Variants in CNTN3 observed in about 807,000 individuals in gnomAD.
CNTN3 encodes contactin-3.
In CNTN3, 60 loss-of-function variants were observed where a neutral mutation model predicts 119.1. That is an observed-to-expected ratio of 0.50 (90% CI 0.41 to 0.62). CNTN3 has a LOEUF of 0.62. Ranked by LOEUF, CNTN3 falls within the 20% of genes least tolerant of loss-of-function variation. The probability of loss-of-function intolerance (pLI) is 0.00; values close to 1 mark genes in which losing one functional copy is unlikely to be tolerated. For synonymous variants in CNTN3, 450 were observed against 438.7 expected (o/e 1.03, Z -0.32); for missense variants, 1,101 against 1,242.4 (o/e 0.89, Z 1.71).
chr3:74,368,360 T>C (rs1704248325), intron 8 of CNTN3, among the ~76,000 whole-genome samples: 1 of 152,078 alleles, frequency 6.6e-6, no homozygotes, highest in Admixed American at 6.6e-5. Flanking sequence ...ATAAATAGAA[T>C]ATAATGCAAT....
chr3:74,562,605 G>T (rs1268535674), intron 1 of CNTN3, among the ~76,000 whole-genome samples: 1 of 152,130 alleles, frequency 6.6e-6, no homozygotes, highest in African/African-American at 2.4e-5. Flanking sequence ...GTTCATGGTA[G>T]GCCTGTGAAG....
At chr3:74,591,196 TGTGA>T (rs962620913) in intron 1 of CNTN3, among the ~76,000 whole-genome samples, 4 of 152,034 alleles carry the variant, frequency 2.6e-5, no homozygotes, top group African/African-American at 9.6e-5. Flanking sequence ...TTTGAGGTCA[TGTGA>T]GTAAGTTTGT....
chr3:74,577,984 G>A (rs1379792049), intron 1 of CNTN3, among the ~76,000 whole-genome samples: 1 of 152,008 alleles, frequency 6.6e-6, no homozygotes. Flanking sequence ...TATTTCAAAT[G>A]TTCTGTACTT....
intron 5 of CNTN3, among the ~76,000 whole-genome samples, chr3:74,417,302 T>C (rs1392189757): frequency 1.3e-5 from 2 of 152,228 alleles, no homozygotes; most frequent in Non-Finnish European, 2.9e-5. Context: ...AGTACTTTTC[T>C]CTTGGGGAGT....
intron 20 of CNTN3, among the ~76,000 whole-genome samples, chr3:74,274,589 C>G (rs1440709776): frequency 1.3e-5 from 2 of 152,048 alleles, no homozygotes; most frequent in Non-Finnish European, 2.9e-5. Flanking sequence ...AAAGCCACAT[C>G]CATAGGAAAA....
intron 5 of CNTN3, among the ~76,000 whole-genome samples, chr3:74,388,755 A>G (rs1414363307): frequency 2.6e-5 from 4 of 152,206 alleles, no homozygotes; most frequent in Non-Finnish European, 4.4e-5. Flanking sequence ...TACAACTTCA[A>G]CAAAGAAAGC....
chr3:74,336,987 T>A (rs1443497838), intron 11 of CNTN3, among the ~76,000 whole-genome samples: 1 of 152,092 alleles, frequency 6.6e-6, no homozygotes, highest in Non-Finnish European at 1.5e-5. Flanking sequence ...TATTAATATA[T>A]GTTGTGGTAG....
chr3:74,534,587 A>T (rs1575813701), intron 1 of CNTN3, among the ~76,000 whole-genome samples: 1 of 152,068 alleles, frequency 6.6e-6, no homozygotes, highest in East Asian at 1.9e-4. Context: ...AATGAAGTAG[A>T]ATAGAACAGA....
intron 19 of CNTN3, among the ~76,000 whole-genome samples, chr3:74,290,264 C>T (rs964897502): frequency 3.9e-5 from 6 of 152,140 alleles, no homozygotes; most frequent in African/African-American, 1.4e-4. Context: ...TAAACCTGTA[C>T]AGCATGTTAC....
chr3:74,318,992 A>G (rs1702910078), intron 13 of CNTN3, among the ~76,000 whole-genome samples: 1 of 152,118 alleles, frequency 6.6e-6, no homozygotes, highest in South Asian at 2.1e-4. Context: ...AAAACTACAA[A>G]CCACTGCTCA....
Position 74,301,307 on chromosome 3 carries a change from C to CTGACCCCCTGCT in CNTN3, c.2095+79_2095+90dup, listed in dbSNP as rs1702447761. 2.3e-6 allele frequency: 3 copies of CTGACCCCCTGCT among 1,307,970 alleles called. No homozygotes were observed. The African/African-American group carries it at 4.4e-5, about 19-fold the overall frequency. 81.0% of individuals were successfully genotyped at this position (1,307,970 alleles called of 1,614,324 possible). ...TAACTGCAACAATGGATTATTGAGG[C>CTGACCCCCTGCT]TGACCCCCTGCTGGCCTGGAGTTCA... On this transcript the variant is annotated intron_variant, in intron 16 of 22. Coordinates refer to ENST00000263665, the MANE Select transcript of CNTN3 (RefSeq NM_020872.3).
intron 11 of CNTN3, among the ~76,000 whole-genome samples, chr3:74,359,511 T>C (rs1575750376): frequency 6.6e-6 from 1 of 152,124 alleles, no homozygotes; most frequent in Non-Finnish European, 1.5e-5. Context: ...ACTTCCAGCA[T>C]AGTCAAAATT....
In CNTN3 at chr3:74,521,174, T is replaced by A; in HGVS notation, c.-62A>T. On this transcript the variant is annotated 5_prime_UTR_variant, in exon 2 of 23. In the 5' UTR this introduces an upstream ATG that the reference lacks. Transcript: ENST00000263665. ...TCTCTGATGAATAGAATGCTTTCTC[T>A]TCAGGTAAATCCTTTAATCTGTAAA... The A allele has an allele frequency of 4.4e-6, 4 of 919,336 alleles. No individual in the cohort carries two copies. Among genetic ancestry groups the A allele is most frequent in the Non-Finnish European group, 5.0e-6 (3 of 600,428 alleles). 56.9% of individuals were successfully genotyped at this position (919,336 alleles called of 1,614,324 possible).
At chr3:74,429,032 G>A (rs970681067) in intron 4 of CNTN3, among the ~76,000 whole-genome samples, 14 of 152,226 alleles carry the variant, frequency 9.2e-5, no homozygotes, top group South Asian at 2.1e-4. Context: ...GGTATAATAA[G>A]TACATACTAT....
chr3:74,574,672 CT>C, intron 1 of CNTN3, among the ~76,000 whole-genome samples: 1 of 152,236 alleles, frequency 6.6e-6, no homozygotes, highest in Non-Finnish European at 1.5e-5. Context: ...AATCATTCCA[CT>C]TGCAATAATC....
chr3:74,565,114 T>G (rs530107430), intron 1 of CNTN3, among the ~76,000 whole-genome samples: 1 of 152,268 alleles, frequency 6.6e-6, no homozygotes, highest in South Asian at 2.1e-4. Flanking sequence ...TTTTTGTATT[T>G]GTTTCCTATT....
chr3:74,371,253 T>TTGTCACCAC lies in CNTN3; in HGVS notation c.600_601insGTGGTGACA (p.Ser200_Met201insValValThr). 6.2e-7 allele frequency: 1 copy of TTGTCACCAC among 1,613,516 alleles called. No individual in the cohort carries two copies. The highest frequency in any genetic ancestry group is 1.3e-5 in the African/African-American group (1 of 75,000). ...CCCAGCACTCGGGCATTTGTCACCATACTTGTCACCACACATGTGTAATTT... is the reference window on the plus strand; with the variant it reads ...CCCAGCACTCGGGCATTTGTCACCATTGTCACCACACTTGTCACCACACATGTGTAATTT... On this transcript the variant is annotated inframe_insertion, in exon 6 of 23. Transcript: ENST00000263665.
At position 74,296,945 on chromosome 3, in the gene CNTN3, A is replaced by G. The variant is rs530165262; in HGVS notation, c.2401+1012T>C. 1.2e-4 allele frequency among the ~76,000 whole-genome samples: 18 copies of G among 151,966 alleles called. No homozygotes were observed. The South Asian group carries it at 1.2e-3, about 10-fold the overall frequency. On this transcript the variant is annotated intron_variant, in intron 18 of 22. Coordinates refer to ENST00000263665, the MANE Select transcript of CNTN3 (RefSeq NM_020872.3). ...ATCTATGAAATGGCAATTTTGCATAATTCTTTTACCTTGATTATTTTCTAA... is the reference window on the plus strand; with the variant it reads ...ATCTATGAAATGGCAATTTTGCATAGTTCTTTTACCTTGATTATTTTCTAA...
chr3:74,577,937 T>A (rs1320513139), intron 1 of CNTN3, among the ~76,000 whole-genome samples: 1 of 152,106 alleles, frequency 6.6e-6, no homozygotes, highest in Non-Finnish European at 1.5e-5. Flanking sequence ...AACTCACTGA[T>A]GAAAGTTGCA....
Sources: allele counts gnomAD v4.1 joint callset (sites outside exome capture counted in the v4.1 genomes callset), GRCh38; gene constraint gnomAD v4.1.1; transcripts MANE v1.5; gene names NCBI Gene and HGNC (gene_info 2026-07-23, HGNC 2026-07-21).